ARB2A: variants seen among roughly 807,000 people sequenced by gnomAD.
The protein encoded by ARB2A is ARB2 cotranscriptional regulator A.
At chr5:93,809,852 C>G in the ARB2A span, among the ~76,000 whole-genome samples, 1 of 151,884 alleles carries the variant, frequency 6.6e-6, no homozygotes, top group Non-Finnish European at 1.5e-5. Flanking sequence ...TATGGTTTCA[C>G]GTCTTGTTAA....
At chr5:93,875,254 C>T in the ARB2A span, among the ~76,000 whole-genome samples, 7 of 151,500 alleles carry the variant, frequency 4.6e-5, no homozygotes, top group East Asian at 9.7e-4. Context: ...TTTTTTGAGA[C>T]GGAGTCTCAC....
chr5:93,704,159 A>C, the ARB2A span, among the ~76,000 whole-genome samples: 1 of 152,344 alleles, frequency 6.6e-6, no homozygotes, highest in South Asian at 2.1e-4. Flanking sequence ...AGATAATGAT[A>C]GGTTTTCTTA....
the ARB2A span, among the ~76,000 whole-genome samples, chr5:94,015,380 T>C: frequency 6.6e-6 from 1 of 152,120 alleles, no homozygotes. Flanking sequence ...CAGACTCATC[T>C]TACAAGAAAC....
the ARB2A span, among the ~76,000 whole-genome samples, chr5:93,642,376 T>C: frequency 6.6e-6 from 1 of 151,828 alleles, no homozygotes; most frequent in African/African-American, 2.4e-5. Flanking sequence ...CCTGGCTAAT[T>C]TTTTATTTTT....
chr5:93,652,987 T>A, the ARB2A span, among the ~76,000 whole-genome samples: 1 of 152,194 alleles, frequency 6.6e-6, no homozygotes, highest in African/African-American at 2.4e-5. Context: ...ATGTAAGATG[T>A]TTTCTATCGG....
chr5:93,823,979 ATAAG>A, the ARB2A span, among the ~76,000 whole-genome samples: 3 of 152,016 alleles, frequency 2.0e-5, no homozygotes, highest in South Asian at 2.1e-4. Flanking sequence ...AATAAAATAA[ATAAG>A]TAAATTAATA....
chr5:93,864,936 A>G, the ARB2A span, among the ~76,000 whole-genome samples: 2 of 152,068 alleles, frequency 1.3e-5, no homozygotes, highest in Non-Finnish European at 2.9e-5. Context: ...TTCTATCTCT[A>G]TTTCTTACAG....
the ARB2A span, chr5:93,735,510 C>T: frequency 6.6e-6 from 1 of 152,140 alleles, no homozygotes; most frequent in African/African-American, 2.4e-5. Context: ...GTCAGTGCCT[C>T]TTTACAGCTC....
chr5:93,663,565 TA>T, the ARB2A span, among the ~76,000 whole-genome samples: 1 of 151,976 alleles, frequency 6.6e-6, no homozygotes, highest in Non-Finnish European at 1.5e-5. Flanking sequence ...ACATGGAATA[TA>T]AAAAAAGGCT....
the ARB2A span, among the ~76,000 whole-genome samples, chr5:93,877,737 T>C: frequency 6.6e-6 from 1 of 152,120 alleles, no homozygotes; most frequent in Non-Finnish European, 1.5e-5. Flanking sequence ...GGAGGGGTCA[T>C]CGGTTATAGT....
the ARB2A span, among the ~76,000 whole-genome samples, chr5:93,871,526 T>C: frequency 6.6e-6 from 1 of 152,224 alleles, no homozygotes. Context: ...TCTTTTACAA[T>C]TGCATATCTG....
At chr5:93,936,940 G>GTTTTT in the ARB2A span, among the ~76,000 whole-genome samples, 6 of 133,570 alleles carry the variant, frequency 4.5e-5, no homozygotes, top group Admixed American at 7.5e-5. Context: ...AATTATAAAG[G>GTTTTT]TTTTTTTTTT....
the ARB2A span, among the ~76,000 whole-genome samples, chr5:94,083,916 T>C: frequency 2.1e-4 from 32 of 151,920 alleles, no homozygotes; most frequent in South Asian, 2.1e-4. Flanking sequence ...TTTAAAAAAA[T>C]TGTATTTACA....
At chr5:93,997,595 C>A in the ARB2A span, among the ~76,000 whole-genome samples, 1 of 151,968 alleles carries the variant, frequency 6.6e-6, no homozygotes, top group Non-Finnish European at 1.5e-5. Flanking sequence ...AACTGGTCTT[C>A]CCTCTTTGAA....
chr5:93,756,024 G>T, the ARB2A span, among the ~76,000 whole-genome samples: 1 of 152,190 alleles, frequency 6.6e-6, no homozygotes, highest in Non-Finnish European at 1.5e-5. Context: ...CAGACTCAGG[G>T]CTGTTGTGGG....
the ARB2A span, among the ~76,000 whole-genome samples, chr5:93,869,045 G>A: frequency 6.6e-6 from 1 of 152,090 alleles, no homozygotes; most frequent in Non-Finnish European, 1.5e-5. Context: ...AGTCAGAATT[G>A]GGCTCAAATC....
At chr5:94,055,491 C>T in the ARB2A span, among the ~76,000 whole-genome samples, 4 of 152,108 alleles carry the variant, frequency 2.6e-5, no homozygotes, top group Non-Finnish European at 5.9e-5. Context: ...AAAAGAACCA[C>T]TGTTTAGCAC....
the ARB2A span, among the ~76,000 whole-genome samples, chr5:93,955,063 G>A: frequency 6.6e-6 from 1 of 152,178 alleles, no homozygotes; most frequent in Non-Finnish European, 1.5e-5. Flanking sequence ...ATTCAAGAGT[G>A]TCTTTCTTAC....
At chr5:93,828,374 C>T in the ARB2A span, among the ~76,000 whole-genome samples, 38 of 152,268 alleles carry the variant, frequency 2.5e-4, 1 homozygote, top group African/African-American at 8.9e-4. Flanking sequence ...GGAGTTCACT[C>T]ATGATTTGGC....
Sources: allele counts gnomAD v4.1 joint callset (sites outside exome capture counted in the v4.1 genomes callset), GRCh38; gene constraint gnomAD v4.1.1; transcripts MANE v1.5; gene names NCBI Gene and HGNC (gene_info 2026-07-23, HGNC 2026-07-21).